Variants in NOTCH4 observed in about 807,000 individuals in gnomAD.
NOTCH4 encodes the protein notch receptor 4.
In NOTCH4, 138 loss-of-function variants were observed where a neutral mutation model predicts 189.0. That is an observed-to-expected ratio of 0.73 (90% CI 0.64 to 0.84). The LOEUF (loss-of-function observed/expected upper bound fraction) is 0.84. NOTCH4 is among the 40% of genes least tolerant of loss of function. The probability of loss-of-function intolerance (pLI) is 0.00; values close to 1 mark genes in which losing one functional copy is unlikely to be tolerated. For missense variants in NOTCH4, 2,286 were observed against 2,605.4 expected (o/e 0.88, Z 2.67); for synonymous variants, 942 against 1,032.8 (o/e 0.91, Z 1.69).
In NOTCH4 at chr6:32,195,224, G is replaced by T; in HGVS notation, c.*213C>A. The stretch of plus-strand genomic sequence containing the variant: ...GTCTTATTTTCTGGAGGAGGACTGG[G>T]CCTGCCTCATCCTAGCATCTTAAAC... On this transcript the variant is annotated 3_prime_UTR_variant, in exon 30 of 30. Coordinates refer to ENST00000375023, the MANE Select transcript of NOTCH4 (RefSeq NM_004557.4). The surrounding 1 kb of genome is among the most constrained non-coding windows in gnomAD (Gnocchi z 5.4). The T allele has an allele frequency of 1.8e-6, 1 of 570,370 alleles. No individual in the cohort carries two copies. Among genetic ancestry groups the T allele is most frequent in the Non-Finnish European group, 3.0e-6 (1 of 328,572 alleles). 35.3% of individuals were successfully genotyped at this position (570,370 alleles called of 1,614,324 possible). A position where few individuals can be genotyped will look rare whatever the true frequency, so the allele number is the denominator to read the frequency against.
At chr6:32,209,900 A>G (rs1035726832) in intron 18 of NOTCH4, among the ~76,000 whole-genome samples, 3 of 152,030 alleles carry the variant, frequency 2.0e-5, no homozygotes, top group African/African-American at 7.3e-5. Context: ...GAGAGAAAAA[A>G]AAAAAGAAAC....
chr6:32,201,317 A>G lies in NOTCH4; in HGVS notation c.3939T>C (p.Phe1313=). ...LSPPALDQQL[F]ALARVLSLTL... ...TCAGGGACAGCACCCGGGCCAGGGCAAACAGCTGCTGGTCTAGGGCTGGGG... is the reference window on the plus strand; with the variant it reads ...TCAGGGACAGCACCCGGGCCAGGGCGAACAGCTGCTGGTCTAGGGCTGGGG... The change falls in exon 22 of 30, where the codon TTT becomes TTC. Residue 1313 remains phenylalanine, a synonymous_variant. Coordinates refer to ENST00000375023, the MANE Select transcript of NOTCH4 (RefSeq NM_004557.4). This position sits in a 1 kb window ranked among gnomAD's most constrained non-coding sequence, Gnocchi z 5.5. 6.2e-7 allele frequency: 1 copy of G among 1,612,780 alleles called. No homozygotes were observed. Among genetic ancestry groups the G allele is most frequent in the Non-Finnish European group, 8.5e-7 (1 of 1,179,840 alleles).
In NOTCH4 at chr6:32,195,991, C is replaced by G; in HGVS notation, c.5458G>C (p.Glu1820Gln). The G allele has an allele frequency of 6.3e-7, 1 of 1,599,212 alleles. No homozygotes were observed. The highest frequency in any genetic ancestry group is 1.3e-5 in the African/African-American group (1 of 75,036). ...CGGGCCTCTGGTGGCCCAGCCCCTTCCAGCAGCGTCAGCAGATCCCAGTGG... is the reference window on the plus strand; with the variant it reads ...CGGGCCTCTGGTGGCCCAGCCCCTTGCAGCAGCGTCAGCAGATCCCAGTGG... ...RNHWDLLTLL[E>Q]GAGPPEARHK... Residue 1820 changes from glutamate (E) to glutamine (Q), a missense_variant, in exon 30 of 30, where the codon GAA becomes CAA. Coordinates refer to ENST00000375023, the MANE Select transcript of NOTCH4 (RefSeq NM_004557.4). The surrounding 1 kb of genome is among the most constrained non-coding windows in gnomAD (Gnocchi z 5.4).
intron 12 of NOTCH4, among the ~76,000 whole-genome samples, chr6:32,214,790 T>C (rs890647047): frequency 6.6e-6 from 1 of 152,016 alleles, no homozygotes; most frequent in Non-Finnish European, 1.5e-5. Flanking sequence ...CATGCCCAGC[T>C]AATTTTTGCA....
At chr6:32,197,944 C>A (rs1788062869) in intron 26 of NOTCH4, among the ~76,000 whole-genome samples, 1 of 151,968 alleles carries the variant, frequency 6.6e-6, no homozygotes, top group African/African-American at 2.4e-5. Context: ...GCCTTAGCCT[C>A]CAGAGCAGCT....
At chr6:32,223,478 G>A (rs889029769) in intron 1 of NOTCH4, among the ~76,000 whole-genome samples, 1 of 152,060 alleles carries the variant, frequency 6.6e-6, no homozygotes, top group East Asian at 1.9e-4. Flanking sequence ...GACTAAGAAA[G>A]GGCTTAGTAG....
At position 32,212,323 on chromosome 6, in the gene NOTCH4, C is replaced by T. The variant is rs1789071654; in HGVS notation, c.2680+151G>A. The T allele has an allele frequency of 4.2e-6, 3 of 707,266 alleles. No individual in the cohort carries two copies. The highest frequency in any genetic ancestry group is 7.1e-6 in the Non-Finnish European group (3 of 425,068). 43.8% of individuals were successfully genotyped at this position (707,266 alleles called of 1,614,324 possible). A position where few individuals can be genotyped will look rare whatever the true frequency, so the allele number is the denominator to read the frequency against. On this transcript the variant is annotated intron_variant, in intron 17 of 29. Coordinates refer to ENST00000375023, the MANE Select transcript of NOTCH4 (RefSeq NM_004557.4). This position sits in a 1 kb window ranked among gnomAD's most constrained non-coding sequence, Gnocchi z 4.4. ...GCTTCTCTGATTGCACAATTCAACA[C>T]CTCTGCAATCAAGAACTGATTTGTC...
chr6:32,223,698 G>A (rs1448448209), intron 1 of NOTCH4, among the ~76,000 whole-genome samples, 158 bp downstream of exon 1: 1 of 152,068 alleles, frequency 6.6e-6, no homozygotes, highest in Non-Finnish European at 1.5e-5. Context: ...TCCATGGGCA[G>A]AGCCGTCTTT....
At position 32,204,179 on chromosome 6, in the gene NOTCH4, G is replaced by A; in HGVS notation, c.3076C>T (p.Leu1026=). Residue 1026 remains leucine (L), a synonymous_variant, in exon 19 of 30, where the codon CTG becomes TTG. Coordinates refer to ENST00000375023, the MANE Select transcript of NOTCH4 (RefSeq NM_004557.4). The part of the protein sequence containing the change: ...HPTGTAACHS[L]ANAFYCQCLP... ...CACTGGCAGTAGAAGGCATTGGCCA[G>A]AGAGTGGCAGGCTGCAGTGCCTGTG... 3 of 1,613,010 alleles carry A rather than the reference G, an allele frequency of 1.9e-6. No homozygotes were observed. The highest frequency in any genetic ancestry group is 2.5e-6 in the Non-Finnish European group (3 of 1,179,996).
chr6:32,197,549 T>C lies in NOTCH4; in HGVS notation c.4802A>G (p.Gln1601Arg). Reference protein sequence around the residue: ...LMSAVCCGEVQSGTFQGAWLG... With the variant: ...LMSAVCCGEVRSGTFQGAWLG... ...CCATGCCCCTTGGAAGGTCCCGGAC[T>C]GTACTTCCCCACAGCAAACTGCTGA... The change falls in exon 27 of 30, where the codon CAG becomes CGG. Residue 1601 changes from glutamine to arginine, a missense_variant. Transcript: ENST00000375023. 1 of 1,612,706 alleles carries C rather than the reference T, an allele frequency of 6.2e-7. No homozygotes were observed. Among genetic ancestry groups the C allele is most frequent in the South Asian group, 1.1e-5 (1 of 90,856 alleles).
At chr6:32,204,560 T>G (rs904143162) in intron 18 of NOTCH4, among the ~76,000 whole-genome samples, 171 bp from the exon 19 acceptor site, 1 of 152,140 alleles carries the variant, frequency 6.6e-6, no homozygotes, top group African/African-American at 2.4e-5. Context: ...CAACTCCCCA[T>G]GAGACACAAT....
Position 32,217,296 on chromosome 6 carries a change from A to G in NOTCH4, c.1625-30T>C. 2.0e-6 allele frequency: 3 copies of G among 1,470,906 alleles called. No homozygotes were observed. The highest frequency in any genetic ancestry group is 2.9e-6 in the Non-Finnish European group (3 of 1,051,806). The allele number at this position is 1,470,906 out of a possible 1,614,324, so 91.1% of individuals were successfully genotyped here. A position where few individuals can be genotyped will look rare whatever the true frequency, so the allele number is the denominator to read the frequency against. On this transcript the variant is annotated intron_variant, in intron 9 of 29. Coordinates refer to ENST00000375023, the MANE Select transcript of NOTCH4 (RefSeq NM_004557.4). This position sits in a 1 kb window ranked among gnomAD's most constrained non-coding sequence, Gnocchi z 4.2. The stretch of plus-strand genomic sequence containing the variant: ...TGGGGCGGAAGTGGGTGGGGAGAGG[A>G]GGCCAAGGTCATCGAGGGAGGCACA...
At chr6:32,196,572 AG>A in intron 28 of NOTCH4, 151 bp from the exon 29 acceptor site, 1 of 1,009,806 alleles carries the variant, frequency 9.9e-7, no homozygotes, top group Non-Finnish European at 1.4e-6. Flanking sequence ...ACCGGCCTGC[AG>A]GAAGTGTTGC....
In NOTCH4 at chr6:32,223,881, TAGCAGCAGCAGCAGCAGC is replaced by T. The variant is rs35795312; in HGVS notation, c.30_47del (p.Leu11_Leu16del). 9 of 1,584,472 alleles carry T rather than the reference TAGCAGCAGCAGCAGCAGC, an allele frequency of 5.7e-6. No homozygotes were observed. The highest frequency in any genetic ancestry group is 7.7e-6 in the Non-Finnish European group (9 of 1,169,320). On this transcript the variant is annotated inframe_deletion, in exon 1 of 30. Transcript: ENST00000375023. The stretch of plus-strand genomic sequence containing the variant: ...CTCTGGGTCTGACCACTGAGACACA[TAGCAGCAGCAGCAGCAGC>T]AGCAGCAGCAGCAGTGAAGGGGGCT...
chr6:32,219,671 A>G lies in NOTCH4; in HGVS notation c.1431T>C (p.Asn477=). 1.2e-6 allele frequency: 2 copies of G among 1,613,128 alleles called. No individual in the cohort carries two copies. The change falls in exon 8 of 30, where the codon AAT becomes AAC. Residue 477 remains asparagine, a synonymous_variant. Coordinates refer to ENST00000375023, the MANE Select transcript of NOTCH4 (RefSeq NM_004557.4). The part of the protein sequence containing the change: ...YTGSRCEADH[N]ECLSQPCHPG... ...GGTGGCAGGGCTGGGAGAGGCACTC[A>G]TTGTGATCAGCCTCACAACGGGAGC...
intron 28 of NOTCH4, 49 bp downstream of exon 28, chr6:32,196,876 C>G (rs1330480102): frequency 1.0e-5 from 16 of 1,603,170 alleles, no homozygotes; most frequent in African/African-American, 1.4e-5. Context: ...ATCTCCCACC[C>G]CATCTGCTCA....
At chr6:32,203,947 T>A (rs1788515092) in intron 19 of NOTCH4, 65 bp from the exon 20 acceptor site, 1 of 1,477,184 alleles carries the variant, frequency 6.8e-7, no homozygotes, top group Non-Finnish European at 9.2e-7. Flanking sequence ...CCTAGCTCAT[T>A]CCTGGATGTT....
At position 32,220,203 on chromosome 6, in the gene NOTCH4, C is replaced by A. The variant is rs540418711; in HGVS notation, c.1241G>T (p.Gly414Val). The A allele has an allele frequency of 1.2e-6, 2 of 1,613,862 alleles. No homozygotes were observed. The highest frequency in any genetic ancestry group is 1.7e-6 in the Non-Finnish European group (2 of 1,179,924). ...DAQCSTNPLT[G>V]STLCLCQPGY... ...AGGCTGACACAGGCAGAGTGTGGAG[C>A]CTGTGAGGGGGTTGGTGCTGCATTG... The change falls in exon 7 of 30, where the codon GGC becomes GTC. Residue 414 changes from glycine (G) to valine (V), a missense_variant. Physicochemically the swap from Gly to Val is moderately radical, Grantham distance 109. Coordinates refer to ENST00000375023, the MANE Select transcript of NOTCH4 (RefSeq NM_004557.4).
chr6:32,203,874 A>T lies in NOTCH4; in HGVS notation c.3127T>A (p.Cys1043Ser). 6.4e-7 allele frequency: 1 copy of T among 1,555,100 alleles called. No homozygotes were observed. The highest frequency in any genetic ancestry group is 8.7e-7 in the Non-Finnish European group (1 of 1,149,012). Residue 1043 changes from cysteine (C) to serine (S), a missense_variant, in exon 20 of 30, where the codon TGT becomes AGT. By Grantham distance (112) the Cys-to-Ser change is moderately radical. Transcript: ENST00000375023. The part of the protein sequence containing the change: ...QCLPGHTGQW[C>S]EVEIDPCHSQ... ...TGGCAGGGGTCTATCTCCACCTCAC[A>T]CCACTGGCCTGTAATTATGGGGGAG...
Sources: gnomAD v4.1 joint callset for allele counts (sites outside exome capture counted in the v4.1 genomes callset) on GRCh38, gnomAD v4.1.1 for gene constraint, Gnocchi (gnomAD v3.1) non-coding constraint, MANE v1.5 for transcripts, NCBI Gene and HGNC (gene_info 2026-07-23, HGNC 2026-07-21) for gene names.